Variants in CFAP44 observed in about 807,000 individuals in gnomAD.
CFAP44 encodes the protein cilia and flagella associated protein 44.
Under a neutral mutation model 216.2 loss-of-function variants are expected in CFAP44, and 134 were observed. The observed-to-expected ratio is 0.62, with a 90% confidence interval of 0.54 to 0.72. The LOEUF (loss-of-function observed/expected upper bound fraction) is 0.72. Among genes scored for constraint, CFAP44 ranks in the 30% least tolerant of loss-of-function variants. The pLI is 0.00. For synonymous variants in CFAP44, 700 were observed against 727.6 expected (o/e 0.96, Z 0.61); for missense variants, 2,035 against 2,182.1 (o/e 0.93, Z 1.34).
intron 33 of CFAP44, 40 bp downstream of exon 33, chr3:113,296,685 G>T: frequency 2.0e-6 from 3 of 1,527,670 alleles, no homozygotes; most frequent in Non-Finnish European, 2.6e-6. Flanking sequence ...CTTGCCTCCA[G>T]CCAGATTCAA....
rs762790255 is a variant in CFAP44, at chr3:113,291,630, C to A, written c.5492G>T (p.Arg1831Leu). The A allele has an allele frequency of 3.4e-5, 52 of 1,537,162 alleles. No individual in the cohort carries two copies. The East Asian group carries it at 1.0e-3, about 30-fold the overall frequency. ...TGGGAGGATAAGACTGCCTTTCCTA[C>A]GCAAAAGAGCAATCTCCTCCTTTAA... ...SALKEEIALL[R>L]RKGSLILPPI... The change falls in exon 35 of 35, where the codon CGT becomes CTT. Residue 1831 changes from arginine (R) to leucine (L), a missense_variant. Transcript: ENST00000393845.
intron 24 of CFAP44, among the ~76,000 whole-genome samples, chr3:113,336,703 T>A (rs1408518141): frequency 6.6e-6 from 1 of 151,932 alleles, no homozygotes; most frequent in African/African-American, 2.4e-5. Context: ...AAGCCCTAAA[T>A]ATAAATAAGT....
chr3:113,429,002 G>A (rs1935033922), intron 2 of CFAP44: 1 of 152,026 alleles, frequency 6.6e-6, no homozygotes, highest in African/African-American at 2.4e-5. Flanking sequence ...CCTTTTCCAT[G>A]AGATTGAGAA....
At chr3:113,416,416 C>T in intron 6 of CFAP44, 109 bp downstream of exon 6, 1 of 807,510 alleles carries the variant, frequency 1.2e-6, no homozygotes, top group Non-Finnish European at 2.0e-6. Context: ...TTCTGTCTTC[C>T]ACTAGTTCTG....
chr3:113,321,782 T>A (rs998917093), intron 28 of CFAP44, among the ~76,000 whole-genome samples: 1 of 152,018 alleles, frequency 6.6e-6, no homozygotes. Context: ...ACAATAAAAA[T>A]GAAATACCTG....
intron 5 of CFAP44, among the ~76,000 whole-genome samples, chr3:113,418,666 C>T (rs977879457): frequency 1.3e-5 from 2 of 152,048 alleles, no homozygotes; most frequent in Non-Finnish European, 2.9e-5. Context: ...GCTCAACATC[C>T]AGGTGGATGA....
intron 32 of CFAP44, among the ~76,000 whole-genome samples, chr3:113,301,742 A>C (rs1225412097): frequency 6.6e-6 from 1 of 152,200 alleles, no homozygotes; most frequent in Non-Finnish European, 1.5e-5. Flanking sequence ...TAATTAACTT[A>C]AGCATTGCCT....
chr3:113,325,975 A>T (rs1950185782), intron 28 of CFAP44, among the ~76,000 whole-genome samples: 1 of 152,194 alleles, frequency 6.6e-6, no homozygotes, highest in Admixed American at 6.5e-5. Flanking sequence ...AACAAATGAT[A>T]CTACAGTAAA....
At chr3:113,346,432 C>G (rs993291807) in intron 22 of CFAP44, among the ~76,000 whole-genome samples, 6 of 151,934 alleles carry the variant, frequency 3.9e-5, no homozygotes, top group Admixed American at 3.3e-4. Flanking sequence ...TAAAAAAGCA[C>G]CAATCAGCAC....
intron 17 of CFAP44, among the ~76,000 whole-genome samples, chr3:113,375,004 G>T (rs1280636764): frequency 6.6e-6 from 1 of 152,170 alleles, no homozygotes; most frequent in African/African-American, 2.4e-5. Context: ...GTATTATTTG[G>T]CCTTGAAAGG....
intron 18 of CFAP44, among the ~76,000 whole-genome samples, chr3:113,366,670 T>C (rs1195211858): frequency 6.6e-6 from 1 of 152,202 alleles, no homozygotes; most frequent in Non-Finnish European, 1.5e-5. Context: ...GATTTCTGCA[T>C]TTCCAACTGA....
intron 15 of CFAP44, among the ~76,000 whole-genome samples, chr3:113,385,689 G>A (rs62265967): frequency 1.3e-4 from 20 of 152,136 alleles, no homozygotes; most frequent in Non-Finnish European, 2.5e-4. Flanking sequence ...ACCCAGGCTG[G>A]AGGGTGGTGG....
At chr3:113,338,005 G>A (rs1244438545) in intron 24 of CFAP44, among the ~76,000 whole-genome samples, 1 of 151,962 alleles carries the variant, frequency 6.6e-6, no homozygotes, top group Non-Finnish European at 1.5e-5. Flanking sequence ...GTTCACACCT[G>A]TATTCCCAGC....
At position 113,287,263 on chromosome 3, in the gene CFAP44, A is replaced by G; in HGVS notation, c.*4294T>C. The G allele has an allele frequency of 2.9e-6, 1 of 342,258 alleles. No individual in the cohort carries two copies. The highest frequency in any genetic ancestry group is 5.7e-6 in the Non-Finnish European group (1 of 175,422). 21.2% of individuals were successfully genotyped at this position (342,258 alleles called of 1,614,324 possible). ...CAAGGGGCACGGTATCACAGCCTGG[A>G]GACACCCACACAGATGGCTGGATCC... On this transcript the variant is annotated 3_prime_UTR_variant, in exon 35 of 35. Coordinates refer to ENST00000393845, the MANE Select transcript of CFAP44 (RefSeq NM_001164496.2).
intron 24 of CFAP44, among the ~76,000 whole-genome samples, chr3:113,341,047 T>C (rs1055168249): frequency 2.0e-5 from 3 of 152,240 alleles, no homozygotes; most frequent in Non-Finnish European, 4.4e-5. Flanking sequence ...CAGCGTGCTC[T>C]TGATGACCAG....
chr3:113,294,538 C>T (rs748187987), intron 34 of CFAP44, 149 bp downstream of exon 34: 2 of 1,045,310 alleles, frequency 1.9e-6, no homozygotes, highest in Non-Finnish European at 2.6e-6. Context: ...CTAACACCAA[C>T]TCAGTGTCCT....
chr3:113,387,547 G>T (rs1249762283), intron 15 of CFAP44, among the ~76,000 whole-genome samples: 1 of 152,078 alleles, frequency 6.6e-6, no homozygotes, highest in Non-Finnish European at 1.5e-5. Context: ...TGATGGCCAG[G>T]TAGTACACAC....
intron 26 of CFAP44, among the ~76,000 whole-genome samples, chr3:113,328,791 C>A (rs529191890): frequency 2.0e-4 from 30 of 149,330 alleles, no homozygotes; most frequent in Non-Finnish European, 3.9e-4. Context: ...TGTTTGGGCT[C>A]CCCTTTAAAG....
chr3:113,386,625 G>C (rs1046019280), intron 15 of CFAP44, among the ~76,000 whole-genome samples: 1 of 152,140 alleles, frequency 6.6e-6, no homozygotes, highest in African/African-American at 2.4e-5. Context: ...GGCTAGAATA[G>C]GGAGGAGGCA....
Sources: allele counts gnomAD v4.1 joint callset (sites outside exome capture counted in the v4.1 genomes callset), GRCh38; gene constraint gnomAD v4.1.1; transcripts MANE v1.5; gene names NCBI Gene and HGNC (gene_info 2026-07-23, HGNC 2026-07-21).